The following MAN2A1 variants were observed in gnomAD, a reference collection of about 807,000 sequenced individuals.
MAN2A1 encodes the protein alpha-mannosidase 2.
In MAN2A1, 76 loss-of-function variants were observed where a neutral mutation model predicts 142.6. The ratio of observed to expected loss-of-function variants is 0.53; its 90% CI spans 0.44 to 0.65. MAN2A1 has a LOEUF of 0.65. MAN2A1 is among the 30% of genes least tolerant of loss of function. The pLI, the probability that MAN2A1 is intolerant of heterozygous loss-of-function variation, is 0.00. For synonymous variants in MAN2A1, 559 were observed against 473.2 expected (o/e 1.18, Z -2.35); for missense variants, 1,311 against 1,365.1 (o/e 0.96, Z 0.62).
intron 16 of MAN2A1, chr5:109,840,424 A>G (rs892432112): frequency 4.3e-5 from 19 of 445,082 alleles, no homozygotes; most frequent in Non-Finnish European, 8.0e-5. Context: ...GTGCATTTCT[A>G]CCAGGTTTCT....
intron 1 of MAN2A1, among the ~76,000 whole-genome samples, chr5:109,694,940 T>C (rs1488502811): frequency 6.6e-6 from 1 of 152,188 alleles, no homozygotes; most frequent in African/African-American, 2.4e-5. Flanking sequence ...TTCACGTTTG[T>C]ATGAGGGAGA....
chr5:109,838,282 A>G (rs898141736), intron 16 of MAN2A1, among the ~76,000 whole-genome samples: 1 of 152,200 alleles, frequency 6.6e-6, no homozygotes, highest in Non-Finnish European at 1.5e-5. Flanking sequence ...AAGAGGGCAC[A>G]TATTTCTCTT....
At chr5:109,838,683 C>A (rs903546142) in intron 16 of MAN2A1, among the ~76,000 whole-genome samples, 1 of 152,130 alleles carries the variant, frequency 6.6e-6, no homozygotes, top group African/African-American at 2.4e-5. Context: ...CTTTTATGAC[C>A]ATTACAGGTT....
chr5:109,757,061 C>T (rs769790834), intron 5 of MAN2A1, among the ~76,000 whole-genome samples: 3 of 152,162 alleles, frequency 2.0e-5, no homozygotes, highest in Non-Finnish European at 4.4e-5. Context: ...GAAGCTTGCA[C>T]CTGGTTTCCT....
chr5:109,851,106 C>A (rs528077970), intron 19 of MAN2A1, among the ~76,000 whole-genome samples: 1 of 152,100 alleles, frequency 6.6e-6, no homozygotes, highest in Non-Finnish European at 1.5e-5. Context: ...CATGACAGAG[C>A]CTCATGGAAA....
chr5:109,849,107 A>G (rs1056158803), intron 19 of MAN2A1, among the ~76,000 whole-genome samples: 8 of 152,098 alleles, frequency 5.3e-5, no homozygotes, highest in African/African-American at 1.9e-4. Context: ...TTTTCCTCCT[A>G]CCTGTCTGGC....
At chr5:109,785,405 GA>G (rs1753571605) in intron 10 of MAN2A1, among the ~76,000 whole-genome samples, 1 of 151,468 alleles carries the variant, frequency 6.6e-6, no homozygotes, top group African/African-American at 2.4e-5. Flanking sequence ...GCATAGCCAG[GA>G]AGGAAAAAGA....
intron 4 of MAN2A1, among the ~76,000 whole-genome samples, chr5:109,751,392 C>T (rs1752543897): frequency 6.6e-6 from 1 of 151,784 alleles, no homozygotes; most frequent in South Asian, 2.1e-4. Context: ...TTTCTTTTTC[C>T]ATTCATCTAA....
chr5:109,757,765 A>G (rs975443133), intron 5 of MAN2A1, among the ~76,000 whole-genome samples: 3 of 152,146 alleles, frequency 2.0e-5, no homozygotes, highest in Non-Finnish European at 2.9e-5. Context: ...GGATTGGACT[A>G]TTCTGGACAT....
chr5:109,734,603 T>C (rs931763422), intron 4 of MAN2A1, among the ~76,000 whole-genome samples: 11 of 152,188 alleles, frequency 7.2e-5, no homozygotes, highest in Admixed American at 7.2e-4. Context: ...AGAACATCTT[T>C]ATTTCTGCCT....
intron 4 of MAN2A1, among the ~76,000 whole-genome samples, chr5:109,738,974 C>G (rs574297202): frequency 6.6e-6 from 1 of 152,180 alleles, no homozygotes; most frequent in African/African-American, 2.4e-5. Context: ...TTTCCAGTAG[C>G]TGGGACTACA....
At chr5:109,861,811 A>G (rs778165095) in intron 20 of MAN2A1, among the ~76,000 whole-genome samples, 8 of 152,058 alleles carry the variant, frequency 5.3e-5, no homozygotes, top group Non-Finnish European at 7.4e-5. Context: ...TACACTGTCT[A>G]TTTTTCTTGT....
intron 20 of MAN2A1, among the ~76,000 whole-genome samples, chr5:109,862,142 C>G (rs185971614): frequency 6.6e-6 from 1 of 152,286 alleles, no homozygotes; most frequent in Non-Finnish European, 1.5e-5. Context: ...CAGAGGGACT[C>G]TTCACAGGTC....
At chr5:109,697,380 A>C (rs1247753749) in intron 1 of MAN2A1, among the ~76,000 whole-genome samples, 1 of 152,184 alleles carries the variant, frequency 6.6e-6, no homozygotes, top group Non-Finnish European at 1.5e-5. Flanking sequence ...TGTCCTCTAA[A>C]TAGCATTTTT....
intron 1 of MAN2A1, among the ~76,000 whole-genome samples, chr5:109,694,341 CT>C (rs780658430): frequency 4.0e-3 from 575 of 145,212 alleles, no homozygotes; most frequent in African/African-American, 6.3e-3. Flanking sequence ...ACTTGTATAC[CT>C]TTTTTTTTTT....
intron 4 of MAN2A1, among the ~76,000 whole-genome samples, chr5:109,736,797 A>G (rs906548619): frequency 4.0e-5 from 6 of 151,892 alleles, no homozygotes; most frequent in Non-Finnish European, 5.9e-5. Context: ...ATCTGCTTTC[A>G]TCTTTCCTAA....
At chr5:109,802,424 A>AT (rs1473558596) in intron 12 of MAN2A1, among the ~76,000 whole-genome samples, 6 of 152,200 alleles carry the variant, frequency 3.9e-5, no homozygotes, top group South Asian at 4.1e-4. Context: ...AAAGCTTTTG[A>AT]TTTTTTCAGA....
intron 16 of MAN2A1, chr5:109,840,173 A>T (rs1396445308): frequency 1.5e-5 from 3 of 200,480 alleles, no homozygotes; most frequent in Non-Finnish European, 3.0e-5. Context: ...GTCTCGTCTC[A>T]TAAATCTTGT....
rs981082390 is a variant in MAN2A1 at position 109,868,987 on chromosome 5, T to C, written c.*1989T>C. 1.3e-5 allele frequency: 2 copies of C among 152,228 alleles called. No homozygotes were observed. The highest frequency in any genetic ancestry group is 2.9e-5 in the Non-Finnish European group (2 of 68,042). The allele number at this position is 152,228 out of a possible 1,614,324, so 9.4% of individuals were successfully genotyped here. A position where few individuals can be genotyped will look rare whatever the true frequency, so the allele number is the denominator to read the frequency against. On this transcript the variant is annotated 3_prime_UTR_variant, in exon 22 of 22. Transcript: ENST00000261483. ...ACAGTGGTTTTGCCACTTCTGGTTG[T>C]TTGCGATGGATCTGTCCCATGTCAG...
Sources: allele counts gnomAD v4.1 joint callset (sites outside exome capture counted in the v4.1 genomes callset), GRCh38; gene constraint gnomAD v4.1.1; transcripts MANE v1.5; gene names NCBI Gene and HGNC (gene_info 2026-07-23, HGNC 2026-07-21).